OPCML: variants seen among roughly 807,000 people sequenced by gnomAD.
OPCML encodes the protein opioid-binding protein/cell adhesion molecule.
OPCML carries 13 observed loss-of-function variants against 37.8 expected under a neutral mutation model. The ratio of observed to expected loss-of-function variants is 0.34; its 90% CI spans 0.22 to 0.55. OPCML has a LOEUF of 0.55. Among genes scored for constraint, OPCML ranks in the 20% least tolerant of loss-of-function variants. The pLI is 0.91. For synonymous variants in OPCML, 176 were observed against 168.8 expected, an observed-to-expected ratio of 1.04 and a Z score of -0.33; for missense variants, 341 against 435.6, an observed-to-expected ratio of 0.78 and a Z score of 1.93.
At chr11:133,323,935 G>A (rs1371848902) in intron 1 of OPCML, among the ~76,000 whole-genome samples, 1 of 152,160 alleles carries the variant, frequency 6.6e-6, no homozygotes, top group Non-Finnish European at 1.5e-5. Context: ...TGTTGTCCAG[G>A]ATTCTAAATC....
At chr11:133,204,055 T>G (rs1219933572) in intron 1 of OPCML, among the ~76,000 whole-genome samples, 2 of 36,476 alleles carry the variant, frequency 5.5e-5, no homozygotes, top group Non-Finnish European at 9.8e-5. Flanking sequence ...CGAGACTCTG[T>G]CTCAAAAAAA....
At chr11:133,057,403 T>A (rs898417156) in intron 1 of OPCML, among the ~76,000 whole-genome samples, 2 of 152,168 alleles carry the variant, frequency 1.3e-5, no homozygotes, top group Non-Finnish European at 2.9e-5. Flanking sequence ...TTCGACTGAT[T>A]GCCCAGTTCC....
chr11:132,665,002 C>T lies in OPCML; in HGVS notation c.147-7683G>A, dbSNP rs1027102853. Among the ~76,000 whole-genome samples the T allele has an allele frequency of 3.9e-5, 6 of 152,098 alleles. No homozygotes were observed. The East Asian group carries it at 5.8e-4, about 15-fold the overall frequency. ...CTGACATAACATGACATCTGCCACT[C>T]GCTGGAAAATTGGAAGACAGTGCCA... On this transcript the variant is annotated intron_variant, in intron 2 of 7. Transcript: ENST00000524381.
intron 3 of OPCML, among the ~76,000 whole-genome samples, chr11:132,623,420 A>G (rs1055329118): frequency 8.2e-5 from 12 of 146,636 alleles, no homozygotes; most frequent in African/African-American, 2.9e-4. Flanking sequence ...GTTTTGGGGG[A>G]AAAAAAAGAG....
At chr11:133,060,006 T>C (rs1378127789) in intron 1 of OPCML, among the ~76,000 whole-genome samples, 1 of 152,212 alleles carries the variant, frequency 6.6e-6, no homozygotes, top group Non-Finnish European at 1.5e-5. Flanking sequence ...GTGGTGATGT[T>C]CAGGCAAAAG....
chr11:132,554,839 T>C (rs1421329612), intron 3 of OPCML, among the ~76,000 whole-genome samples: 2 of 131,666 alleles, frequency 1.5e-5, no homozygotes, highest in Non-Finnish European at 3.2e-5. Context: ...AAAAAGTAAA[T>C]AAAAGCCATG....
intron 3 of OPCML, among the ~76,000 whole-genome samples, chr11:132,618,979 A>T: frequency 6.6e-6 from 1 of 151,270 alleles, no homozygotes; most frequent in East Asian, 2.0e-4. Context: ...ACACACACAC[A>T]CACACACACA....
rs1429082070 is a variant in OPCML at position 133,208,937 on chromosome 11, A to G, written c.62-265927T>C. On this transcript the variant is annotated intron_variant, in intron 1 of 7. Transcript: ENST00000524381. The surrounding 1 kb of genome is among the most constrained non-coding windows in gnomAD (Gnocchi z 8.9). ...AACCAACCCACTCTTGGGAGAAGACATACTTACATGGAAACAACAATAATA... is the reference window on the plus strand; with the variant it reads ...AACCAACCCACTCTTGGGAGAAGACGTACTTACATGGAAACAACAATAATA... 6.6e-6 allele frequency among the ~76,000 whole-genome samples: 1 copy of G among 152,236 alleles called. No homozygotes were observed. The highest frequency in any genetic ancestry group is 1.9e-4 in the East Asian group (1 of 5,200).
intron 1 of OPCML, among the ~76,000 whole-genome samples, chr11:133,171,515 T>C (rs1413671249): frequency 6.6e-6 from 1 of 152,236 alleles, no homozygotes; most frequent in African/African-American, 2.4e-5. Flanking sequence ...ATGTTTCATT[T>C]TTCCAGTGGA....
rs534155389 is a variant in OPCML, at chr11:132,841,753, C to T, written c.146+101173G>A. Among the ~76,000 whole-genome samples the T allele has an allele frequency of 1.9e-4, 29 of 149,526 alleles. No homozygotes were observed. The South Asian group carries it at 5.6e-3, about 29-fold the overall frequency. On this transcript the variant is annotated intron_variant, in intron 2 of 7. Transcript: ENST00000524381. Reference sequence around the variant, plus strand: ...GTGAGAGCCTGTAATGCCAGCTATTCGGGAAGCTGAGGTAGGAGAATCCCT... The same window carrying T: ...GTGAGAGCCTGTAATGCCAGCTATTTGGGAAGCTGAGGTAGGAGAATCCCT...
chr11:132,479,057 C>T (rs948133064), intron 4 of OPCML, among the ~76,000 whole-genome samples: 28 of 152,094 alleles, frequency 1.8e-4, no homozygotes, highest in African/African-American at 6.8e-4. Context: ...AGGAACAGCC[C>T]TGGTCTACAG....
intron 3 of OPCML, among the ~76,000 whole-genome samples, chr11:132,541,356 T>C (rs1305096567): frequency 6.6e-6 from 1 of 152,210 alleles, no homozygotes; most frequent in Non-Finnish European, 1.5e-5. Context: ...GTGTGACTTC[T>C]CTAATCTCAG....
chr11:133,249,985 A>C (rs1941073188), intron 1 of OPCML, among the ~76,000 whole-genome samples: 1 of 152,200 alleles, frequency 6.6e-6, no homozygotes, highest in Admixed American at 6.5e-5. Flanking sequence ...GGGAAATTCC[A>C]TCTAACAACC....
Position 133,422,198 on chromosome 11 carries a change from T to C in OPCML, c.61+110066A>G, listed in dbSNP as rs1266879588. 4.1e-6 allele frequency: 4 copies of C among 984,380 alleles called. No homozygotes were observed. In the African/African-American group the frequency reaches 5.3e-5, roughly 13 times the overall value. 61.0% of individuals were successfully genotyped at this position (984,380 alleles called of 1,614,324 possible). A position where few individuals can be genotyped will look rare whatever the true frequency, so the allele number is the denominator to read the frequency against. On this transcript the variant is annotated intron_variant, in intron 1 of 7. Coordinates refer to ENST00000524381, the MANE Select transcript of OPCML (RefSeq NM_001012393.5). ...TGTTCACTCCCTGCAAACAAAGGGCTCTTCAGTCCTTTACTGATTTTATAC... is the reference window on the plus strand; with the variant it reads ...TGTTCACTCCCTGCAAACAAAGGGCCCTTCAGTCCTTTACTGATTTTATAC...
chr11:132,444,746 C>T (rs1313951646), intron 4 of OPCML, among the ~76,000 whole-genome samples: 2 of 152,114 alleles, frequency 1.3e-5, no homozygotes, highest in Non-Finnish European at 2.9e-5. Flanking sequence ...GCCCCAACCT[C>T]CAATCCTTGA....
chr11:132,631,402 G>T (rs925242008), intron 3 of OPCML, among the ~76,000 whole-genome samples: 2 of 143,194 alleles, frequency 1.4e-5, no homozygotes, highest in Admixed American at 7.0e-5. Context: ...ATACATAAAA[G>T]ATATATATAA....
intron 2 of OPCML, among the ~76,000 whole-genome samples, chr11:132,821,712 C>T (rs532302256): frequency 2.0e-4 from 30 of 152,284 alleles, no homozygotes; most frequent in South Asian, 6.2e-4. Context: ...TTCCATTTGC[C>T]TTTGTTTCCA....
intron 4 of OPCML, among the ~76,000 whole-genome samples, chr11:132,451,393 G>A (rs1014989147): frequency 7.3e-5 from 11 of 150,530 alleles, no homozygotes; most frequent in East Asian, 4.0e-4. Context: ...GGGGGTGGGG[G>A]CGCAGACGGG....
At chr11:133,001,601 T>C (rs1197090522) in intron 1 of OPCML, among the ~76,000 whole-genome samples, 2 of 152,176 alleles carry the variant, frequency 1.3e-5, no homozygotes, top group East Asian at 3.9e-4. Context: ...AGTGGAGGAG[T>C]TATCATGTCA....
Sources: gnomAD v4.1 joint callset for allele counts (sites outside exome capture counted in the v4.1 genomes callset) on GRCh38, gnomAD v4.1.1 for gene constraint, Gnocchi (gnomAD v3.1) non-coding constraint, MANE v1.5 for transcripts, NCBI Gene and HGNC (gene_info 2026-07-23, HGNC 2026-07-21) for gene names.